The following FLYWCH1 variants were observed in gnomAD, a reference collection of about 807,000 sequenced individuals.
FLYWCH1 encodes the protein FLYWCH-type zinc finger-containing protein 1.
FLYWCH1 carries 75 observed loss-of-function variants against 66.4 expected under a neutral mutation model. That is an observed-to-expected ratio of 1.13 (90% CI 0.94 to 1.37). The LOEUF (loss-of-function observed/expected upper bound fraction) is 1.37, where lower values mean the gene tolerates loss of function less well. Among genes scored for constraint, FLYWCH1 ranks in the 40% most tolerant of loss-of-function variants. FLYWCH1 has a pLI of 0.00. For missense variants in FLYWCH1, 1,334 were observed against 1,001.8 expected (o/e 1.33, Z -4.48); for synonymous variants, 595 against 429.9 (o/e 1.38, Z -4.75).
chr16:2,944,350 A>T (rs1293992642), intron 9 of FLYWCH1, among the ~76,000 whole-genome samples: 2 of 149,618 alleles, frequency 1.3e-5, no homozygotes, highest in Non-Finnish European at 3.0e-5. Context: ...AGATTGTGCC[A>T]TTGCACTCCA....
At chr16:2,936,232 G>T (rs9933986) in intron 6 of FLYWCH1, 102,246 of 357,668 alleles carry the variant, frequency 0.29, 17,979 homozygotes, top group African/African-American at 0.55. Context: ...ATTTTCATCC[G>T]TGTGGAAGGG....
Position 2,948,798 on chromosome 16 carries a change from C to A in FLYWCH1, c.*71C>A, listed in dbSNP as rs771544282. 4 of 1,418,630 alleles carry A rather than the reference C, an allele frequency of 2.8e-6. No individual in the cohort carries two copies. Among genetic ancestry groups the A allele is most frequent in the Non-Finnish European group, 4.0e-6 (4 of 1,004,390 alleles). 87.9% of individuals were successfully genotyped at this position (1,418,630 alleles called of 1,614,324 possible). On this transcript the variant is annotated 3_prime_UTR_variant, in exon 10 of 10. Coordinates refer to ENST00000253928, the MANE Select transcript of FLYWCH1 (RefSeq NM_001308068.2). ...TCACATCCACACAGGCACTTCCCAT[C>A]CACCTAGGTTTGGCTTAGCAGAAAC...
In FLYWCH1 at chr16:2,937,278, G is replaced by A; in HGVS notation, c.1671G>A (p.Arg557=). The A allele has an allele frequency of 2.5e-6, 4 of 1,605,174 alleles. No homozygotes were observed. The highest frequency in any genetic ancestry group is 2.2e-5 in the South Asian group (2 of 90,128). The change falls in exon 7 of 10, where the codon CGG becomes CGA. Residue 557 remains arginine (R), a synonymous_variant. Coordinates refer to ENST00000253928, the MANE Select transcript of FLYWCH1 (RefSeq NM_001308068.2). ...GCAGCCGCGCCATCACCCAGGGCCG[G>A]CGGGTCATGGTCATGCGCAGGCACT... ...GCRSRAITQG[R]RVMVMRRHCH...
Position 2,912,047 on chromosome 16 carries a change from T to TGGC in FLYWCH1, c.-285_-283dup, listed in dbSNP as rs1163692328. ...CTGGGAGCTGGTGCCCGGGTCGGGG[T>TGGC]GGCGGCGGCGGCCTGGGTCGCGGGG... is the stretch of plus-strand genomic sequence containing the variant. On this transcript the variant is annotated 5_prime_UTR_variant, in exon 1 of 10. Transcript: ENST00000253928. 2.4e-3 allele frequency: 360 copies of TGGC among 152,122 alleles called. No homozygotes were observed. The highest frequency in any genetic ancestry group is 4.1e-3 in the Non-Finnish European group (279 of 68,052). 9.4% of individuals were successfully genotyped at this position (152,122 alleles called of 1,614,324 possible).
Position 2,930,859 on chromosome 16 carries a change from A to C in FLYWCH1, c.775A>C (p.Lys259Gln), listed in dbSNP as rs769391501. 1 of 1,599,202 alleles carries C rather than the reference A, an allele frequency of 6.3e-7. No homozygotes were observed. The highest frequency in any genetic ancestry group is 1.3e-5 in the African/African-American group (1 of 74,666). The change falls in exon 4 of 10, where the codon AAG becomes CAG. Residue 259 changes from lysine (K) to glutamine (Q), a missense_variant. By Grantham distance (53) the Lys-to-Gln change is moderately conservative. Coordinates refer to ENST00000253928, the MANE Select transcript of FLYWCH1 (RefSeq NM_001308068.2). ...GTCACTGCTGAGCCTGCCGCCCAAG[A>C]AGCGCTCGATCCTGGGGCTGGGTGA... is the stretch of plus-strand genomic sequence containing the variant. ...ALSLLSLPPK[K>Q]RSILGLGQAR...
intron 9 of FLYWCH1, among the ~76,000 whole-genome samples, chr16:2,946,392 G>T (rs796178384): frequency 3.4e-5 from 5 of 147,420 alleles, no homozygotes; most frequent in African/African-American, 1.3e-4. Context: ...TGAGATCTCG[G>T]CTCACTGCAA....
chr16:2,935,973 G>A (rs1328312111), intron 6 of FLYWCH1: 1 of 167,130 alleles, frequency 6.0e-6, no homozygotes, highest in Non-Finnish European at 1.3e-5. Context: ...GTAGTGGCGT[G>A]GTCTTGGCTC....
intron 2 of FLYWCH1, among the ~76,000 whole-genome samples, chr16:2,924,822 C>T (rs1022013487): frequency 6.6e-6 from 1 of 152,224 alleles, no homozygotes; most frequent in Admixed American, 6.5e-5. Context: ...CACAAGCCGG[C>T]GGTCAGGGCC....
rs549896842 is a variant in FLYWCH1, at chr16:2,929,775, G to A, written c.90G>A (p.Pro30=). 1.9e-5 allele frequency: 31 copies of A among 1,613,810 alleles called. No homozygotes were observed. The East Asian group carries it at 2.9e-4, about 15-fold the overall frequency. The change falls in exon 3 of 10, where the codon CCG becomes CCA. Residue 30 remains proline, a synonymous_variant. Coordinates refer to ENST00000253928, the MANE Select transcript of FLYWCH1 (RefSeq NM_001308068.2). ...CCAAGCCAGGCACGGACGTCATCCC[G>A]GCAGCCCCCAGGAAGCCCAGGGAGT... is the stretch of plus-strand genomic sequence containing the variant. ...PSPKPGTDVI[P]AAPRKPREFS... is the part of the protein sequence containing the mutation.
At position 2,938,270 on chromosome 16, in the gene FLYWCH1, G is replaced by A. The variant is rs777430006; in HGVS notation, c.1864G>A (p.Ala622Thr). Residue 622 changes from alanine to threonine, a missense_variant, in exon 8 of 10, where the codon GCG becomes ACG. Transcript: ENST00000253928. ...HESFLYRKEK[A>T]AGEKVYWMCR... ...GTCCTTCCTCTACAGGAAGGAGAAG[G>A]CGGCTGGGGAGAAGGTGTACTGGAT... The A allele has an allele frequency of 6.2e-7, 1 of 1,613,068 alleles. No homozygotes were observed. The highest frequency in any genetic ancestry group is 1.7e-5 in the Admixed American group (1 of 59,910).
chr16:2,940,136 A>C (rs112113360), intron 9 of FLYWCH1, 44 bp downstream of exon 9: 1 of 913,422 alleles, frequency 1.1e-6, no homozygotes. Context: ...AATTACAACA[A>C]AACGTAGTGG....
intron 7 of FLYWCH1, 135 bp downstream of exon 7, chr16:2,937,519 G>C (rs2071064630): frequency 9.1e-7 from 1 of 1,093,780 alleles, no homozygotes; most frequent in Non-Finnish European, 1.2e-6. Context: ...AACTCCCCAG[G>C]GGCAGGAGGC....
At chr16:2,937,524 G>A (rs1182454418) in intron 7 of FLYWCH1, 140 bp downstream of exon 7, 2 of 1,055,416 alleles carry the variant, frequency 1.9e-6, no homozygotes, top group East Asian at 2.9e-5. Context: ...CCCAGGGGCA[G>A]GAGGCTCCAT....
chr16:2,936,444 A>G (rs1388498860), intron 6 of FLYWCH1: 3 of 443,760 alleles, frequency 6.8e-6, no homozygotes, highest in Admixed American at 2.4e-5. Context: ...ACAGCCAGAC[A>G]CCCTCCCGCC....
chr16:2,933,859 A>G lies in FLYWCH1; in HGVS notation c.1393A>G (p.Ile465Val), dbSNP rs548820217. Residue 465 changes from isoleucine to valine, a missense_variant, in exon 6 of 10, where the codon ATC (isoleucine) becomes GTC (valine). By Grantham distance (29) the Ile-to-Val change is conservative. Coordinates refer to ENST00000253928, the MANE Select transcript of FLYWCH1 (RefSeq NM_001308068.2). Reference protein sequence around the residue: ...QARMGCRSRAITQGRRVTVMR... With the variant: ...QARMGCRSRAVTQGRRVTVMR... ...CCGCATGGGCTGCCGCAGCCGCGCC[A>G]TCACCCAGGGCCGACGGGTGACTGT... is the stretch of plus-strand genomic sequence containing the variant. 1.2e-6 allele frequency: 2 copies of G among 1,605,758 alleles called. No homozygotes were observed. The highest frequency in any genetic ancestry group is 2.2e-5 in the East Asian group (1 of 44,478).
intron 9 of FLYWCH1, chr16:2,943,661 C>G (rs928709405): frequency 6.6e-6 from 1 of 152,178 alleles, no homozygotes; most frequent in Non-Finnish European, 1.5e-5. Context: ...GCAGGCCAGG[C>G]GCGGGGGTTC....
Position 2,940,881 on chromosome 16 carries a change from A to C in FLYWCH1, c.2111+789A>C, listed in dbSNP as rs943919367. Among the ~76,000 whole-genome samples, 3 of 37,794 alleles carry C rather than the reference A, an allele frequency of 7.9e-5. No homozygotes were observed. The East Asian group carries it at 2.0e-3, about 25-fold the overall frequency. 24.8% of individuals were successfully genotyped at this position (37,794 alleles called of 152,430 possible). ...AGGCAGGCAGATCATTTGTAATTCC[A>C]GCACTTTGGGAGGCCAAGGCAGGCA... On this transcript the variant is annotated intron_variant, in intron 9 of 9. Coordinates refer to ENST00000253928, the MANE Select transcript of FLYWCH1 (RefSeq NM_001308068.2).
At chr16:2,945,016 C>G (rs996516021) in intron 9 of FLYWCH1, among the ~76,000 whole-genome samples, 3 of 151,930 alleles carry the variant, frequency 2.0e-5, no homozygotes, top group Admixed American at 2.0e-4. Flanking sequence ...TGACCCTGTG[C>G]AGGCCTAGGA....
In FLYWCH1 at chr16:2,933,383, G is replaced by T. The variant is rs368841077; in HGVS notation, c.1050G>T (p.Thr350=). 8 of 1,602,758 alleles carry T rather than the reference G, an allele frequency of 5.0e-6. No individual in the cohort carries two copies. The Admixed American group carries it at 5.2e-5, about 10-fold the overall frequency. ...ARRQQEKAVE[T]LQAGQDGPGS... is the part of the protein sequence containing the mutation. ...GGCAGCAGGAGAAGGCCGTGGAGAC[G>T]CTGCAGGCTGGGCAGGACGGCCCTG... Residue 350 remains threonine, a synonymous_variant, in exon 5 of 10, where the codon ACG becomes ACT. Coordinates refer to ENST00000253928, the MANE Select transcript of FLYWCH1 (RefSeq NM_001308068.2).
Sources: allele counts gnomAD v4.1 joint callset (sites outside exome capture counted in the v4.1 genomes callset), GRCh38; gene constraint gnomAD v4.1.1; transcripts MANE v1.5; gene names NCBI Gene and HGNC (gene_info 2026-07-23, HGNC 2026-07-21).